Variants in CAMSAP2 observed in about 807,000 individuals in gnomAD.
CAMSAP2 encodes the protein calmodulin-regulated spectrin-associated protein 2.
A neutral mutation model predicts 146.1 loss-of-function variants in CAMSAP2; 26 were observed. The ratio of observed to expected loss-of-function variants is 0.18; its 90% CI spans 0.13 to 0.25. CAMSAP2 has a LOEUF of 0.25. Ranked by LOEUF, CAMSAP2 falls within the 10% of genes least tolerant of loss-of-function variation. CAMSAP2 has a pLI of 1.00. For synonymous variants in CAMSAP2, 499 were observed against 596.6 expected (o/e 0.84, Z 2.38); for missense variants, 1,381 against 1,759.3 (o/e 0.78, Z 3.85).
At position 200,832,585 on chromosome 1, in the gene CAMSAP2, A is replaced by T. The variant is rs1667072704; in HGVS notation, c.788-121A>T. 1 of 891,782 alleles carries T rather than the reference A, an allele frequency of 1.1e-6. No homozygotes were observed. Among genetic ancestry groups the T allele is most frequent in the African/African-American group, 1.7e-5 (1 of 57,866 alleles). The allele number at this position is 891,782 out of a possible 1,614,324, so 55.2% of individuals were successfully genotyped here. A position where few individuals can be genotyped will look rare whatever the true frequency, so the allele number is the denominator to read the frequency against. ...TAAGTCTTAATGTATAATGACTACT[A>T]TATTTATAAATGTATGTTTGTTAAC... On this transcript the variant is annotated intron_variant, in intron 5 of 16. Coordinates refer to ENST00000358823, the MANE Select transcript of CAMSAP2 (RefSeq NM_203459.4). The surrounding 1 kb of genome is among the most constrained non-coding windows in gnomAD (Gnocchi z 4.2).
Position 200,844,495 on chromosome 1 carries a change from C to T in CAMSAP2, c.1022-287C>T, listed in dbSNP as rs549468072. 2.6e-5 allele frequency among the ~76,000 whole-genome samples: 4 copies of T among 152,130 alleles called. No individual in the cohort carries two copies. In the East Asian group the frequency reaches 7.8e-4, roughly 30 times the overall value. On this transcript the variant is annotated intron_variant, in intron 7 of 16. Transcript: ENST00000358823. ...CCCAAGAGGTGGAGGTTGCAGTGAG[C>T]TGAGATCGCGCCATTGCACTCCAGC...
chr1:200,739,218 T>C lies in CAMSAP2; in HGVS notation c.-610T>C, dbSNP rs927498908. ...CCGCAGTGATTTTGACGTTTTCCGCTGCTGCGTCTCCGGCGGGCAGGGGCC... is the reference window on the plus strand; with the variant it reads ...CCGCAGTGATTTTGACGTTTTCCGCCGCTGCGTCTCCGGCGGGCAGGGGCC... On this transcript the variant is annotated 5_prime_UTR_variant, in exon 1 of 17. Transcript: ENST00000358823. The surrounding 1 kb of genome is among the most constrained non-coding windows in gnomAD (Gnocchi z 4.8). Among the ~76,000 whole-genome samples the C allele has an allele frequency of 1.4e-4, 22 of 151,966 alleles. No individual in the cohort carries two copies. The highest frequency in any genetic ancestry group is 5.1e-4 in the African/African-American group (21 of 41,450).
In CAMSAP2 at chr1:200,849,598, A is replaced by C; in HGVS notation, c.2829A>C (p.Ser943=). 6.2e-7 allele frequency: 1 copy of C among 1,614,212 alleles called. No individual in the cohort carries two copies. The highest frequency in any genetic ancestry group is 8.5e-7 in the Non-Finnish European group (1 of 1,180,030). ...FKPSKQAGLS[S]AIAPFSSDSP... ...CTTCTAAGCAGGCAGGCCTGTCATC[A>C]GCCATTGCACCATTCTCCTCAGACT... The change falls in exon 11 of 17, where the codon TCA becomes TCC. Residue 943 remains serine (S), a synonymous_variant. Transcript: ENST00000358823. The surrounding 1 kb of genome is among the most constrained non-coding windows in gnomAD (Gnocchi z 6.3).
chr1:200,800,758 T>C (rs1666012501), intron 2 of CAMSAP2, among the ~76,000 whole-genome samples: 1 of 152,218 alleles, frequency 6.6e-6, no homozygotes, highest in Non-Finnish European at 1.5e-5. Context: ...CTTCATAGTG[T>C]CGATGGTCTT....
chr1:200,770,093 A>G (rs533073528), intron 2 of CAMSAP2, among the ~76,000 whole-genome samples: 181 of 152,348 alleles, frequency 1.2e-3, no homozygotes, highest in African/African-American at 4.1e-3. Flanking sequence ...CATGTCTTGG[A>G]AGATGTGAGG....
At chr1:200,791,858 C>G (rs1479336825) in intron 2 of CAMSAP2, among the ~76,000 whole-genome samples, 1 of 151,912 alleles carries the variant, frequency 6.6e-6, no homozygotes. Flanking sequence ...CTCAGTTACT[C>G]AGGAGGCTGA....
intron 3 of CAMSAP2, among the ~76,000 whole-genome samples, chr1:200,810,506 G>GC (rs1300461529): frequency 6.6e-6 from 1 of 151,516 alleles, no homozygotes; most frequent in African/African-American, 2.4e-5. Flanking sequence ...AACCTGGGAG[G>GC]CGGAGGTTGC....
chr1:200,768,282 G>A (rs960330677), intron 2 of CAMSAP2, among the ~76,000 whole-genome samples: 1 of 152,148 alleles, frequency 6.6e-6, no homozygotes, highest in African/African-American at 2.4e-5. Flanking sequence ...TATTGTATTT[G>A]GGAGTATAAT....
intron 2 of CAMSAP2, among the ~76,000 whole-genome samples, chr1:200,787,566 A>G (rs900780490): frequency 2.0e-5 from 3 of 152,216 alleles, no homozygotes; most frequent in African/African-American, 4.8e-5. Flanking sequence ...TGATGGATCT[A>G]TTCCTGGTGG....
chr1:200,742,276 T>C (rs1664203735), intron 1 of CAMSAP2, among the ~76,000 whole-genome samples: 1 of 152,228 alleles, frequency 6.6e-6, no homozygotes, highest in Non-Finnish European at 1.5e-5. Flanking sequence ...TAATTTTTTC[T>C]TTAAAAATTG....
intron 2 of CAMSAP2, among the ~76,000 whole-genome samples, chr1:200,793,062 G>A (rs925859379): frequency 3.3e-5 from 5 of 152,156 alleles, no homozygotes; most frequent in Non-Finnish European, 5.9e-5. Flanking sequence ...GAGCAGAAAT[G>A]GTTTCAGTGT....
In CAMSAP2 at chr1:200,848,342, C is replaced by A; in HGVS notation, c.1573C>A (p.Gln525Lys). The change falls in exon 11 of 17, where the codon CAA (glutamine) becomes AAA (lysine). Residue 525 changes from glutamine to lysine, a missense_variant. By Grantham distance (53) the Gln-to-Lys change is moderately conservative (BLOSUM62 1). This residue lies in a region of CAMSAP2 where 447 missense variants were observed against 462.2 expected (regional missense o/e 0.97). Transcript: ENST00000358823. ...IHYKLPNGAL[Q>K]NRILLDEFGN... ...TTACAAGCTTCCAAATGGAGCTTTA[C>A]AAAATAGAATACTTCTTGACGAGTT... is the stretch of plus-strand genomic sequence containing the variant. 1 of 1,613,758 alleles carries A rather than the reference C, an allele frequency of 6.2e-7. No individual in the cohort carries two copies. The highest frequency in any genetic ancestry group is 1.1e-5 in the South Asian group (1 of 91,070).
At chr1:200,855,202 C>T (rs1229359425) in intron 14 of CAMSAP2, among the ~76,000 whole-genome samples, 2 of 151,990 alleles carry the variant, frequency 1.3e-5, no homozygotes, top group Non-Finnish European at 2.9e-5. Flanking sequence ...ATTATTAAAT[C>T]ACAGTCAGTA....
Position 200,857,993 on chromosome 1 carries a change from T to C in CAMSAP2, c.4371T>C (p.Ile1457=), listed in dbSNP as rs748950473. The change falls in exon 17 of 17, where the codon ATT becomes ATC. Residue 1457 remains isoleucine, a synonymous_variant. Coordinates refer to ENST00000358823, the MANE Select transcript of CAMSAP2 (RefSeq NM_203459.4). The surrounding 1 kb of genome is among the most constrained non-coding windows in gnomAD (Gnocchi z 4.7). ...TLSASVDAIT[I]HSHLWQTKRP... ...CTGCCAGTGTTGATGCAATTACCATTCATAGCCATTTATGGCAGACCAAAA... is the reference window on the plus strand; with the variant it reads ...CTGCCAGTGTTGATGCAATTACCATCCATAGCCATTTATGGCAGACCAAAA... 6.2e-7 allele frequency: 1 copy of C among 1,613,438 alleles called. No homozygotes were observed. Among genetic ancestry groups the C allele is most frequent in the African/African-American group, 1.3e-5 (1 of 74,886 alleles).
chr1:200,837,569 T>C (rs1343174974), intron 6 of CAMSAP2, among the ~76,000 whole-genome samples: 1 of 152,236 alleles, frequency 6.6e-6, no homozygotes, highest in Non-Finnish European at 1.5e-5. Context: ...CTTTTTTGGT[T>C]CAATATGATT....
At chr1:200,831,080 A>G (rs1667030808) in intron 4 of CAMSAP2, among the ~76,000 whole-genome samples, 1 of 152,216 alleles carries the variant, frequency 6.6e-6, no homozygotes, top group South Asian at 2.1e-4. Context: ...TCTAAACTAT[A>G]GAGATGACCA....
At chr1:200,751,256 AATAT>A (rs941190365) in intron 1 of CAMSAP2, among the ~76,000 whole-genome samples, 1 of 151,176 alleles carries the variant, frequency 6.6e-6, no homozygotes, top group African/African-American at 2.4e-5. Context: ...GATATAAATA[AATAT>A]ATATAATATT....
intron 3 of CAMSAP2, among the ~76,000 whole-genome samples, chr1:200,811,364 C>T (rs571818208): frequency 6.6e-6 from 1 of 152,266 alleles, no homozygotes; most frequent in African/African-American, 2.4e-5. Context: ...TTGGGCCTCC[C>T]CCATTACCCT....
At chr1:200,775,755 T>A (rs1460469446) in intron 2 of CAMSAP2, among the ~76,000 whole-genome samples, 2 of 152,164 alleles carry the variant, frequency 1.3e-5, no homozygotes, top group Non-Finnish European at 2.9e-5. Context: ...GGTCTCGAAC[T>A]CCTGACCTCA....
Sources: gnomAD v4.1 joint callset for allele counts (sites outside exome capture counted in the v4.1 genomes callset) on GRCh38, gnomAD v4.1.1 for gene constraint, gnomAD v4.1.1 regional missense constraint, Gnocchi (gnomAD v3.1) non-coding constraint, MANE v1.5 for transcripts, NCBI Gene and HGNC (gene_info 2026-07-23, HGNC 2026-07-21) for gene names.